The following CDC42BPB variants were observed in gnomAD, a reference collection of about 807,000 sequenced individuals.
CDC42BPB encodes the protein CDC42 binding protein kinase beta.
Under a neutral mutation model 214.9 loss-of-function variants are expected in CDC42BPB, and 37 were observed. The observed-to-expected ratio is 0.17, with a 90% CI of 0.13 to 0.23. The LOEUF (loss-of-function observed/expected upper bound fraction) is 0.23, where lower values mean the gene tolerates loss of function less well. CDC42BPB is among the 10% of genes least tolerant of loss of function. CDC42BPB has a pLI of 1.00. For synonymous variants in CDC42BPB, 931 were observed against 884.0 expected (o/e 1.05, Z -0.94); for missense variants, 1,694 against 2,227.0 (o/e 0.76, Z 4.82).
At chr14:102,973,978 T>C in intron 12 of CDC42BPB, 38 bp downstream of exon 12, 1 of 1,571,726 alleles carries the variant, frequency 6.4e-7, no homozygotes, top group Non-Finnish European at 8.6e-7. Flanking sequence ...TTCTGCAAAG[T>C]CCCGTAAGCC....
intron 5 of CDC42BPB, among the ~76,000 whole-genome samples, chr14:102,996,217 G>A (rs1894725314): frequency 1.3e-5 from 2 of 152,128 alleles, no homozygotes; most frequent in Non-Finnish European, 2.9e-5. Flanking sequence ...GTGGGCACCT[G>A]TAGTCCCAGC....
chr14:102,962,133 C>A (rs79110591), intron 20 of CDC42BPB, among the ~76,000 whole-genome samples: 2 of 152,326 alleles, frequency 1.3e-5, no homozygotes, highest in African/African-American at 4.8e-5. Flanking sequence ...CTATTCAGAG[C>A]GGCAAAAATC....
chr14:102,952,863 G>C, intron 23 of CDC42BPB: 1 of 365,728 alleles, frequency 2.7e-6, no homozygotes, highest in Non-Finnish European at 3.8e-6. Flanking sequence ...GAGGTCAGCT[G>C]GGCCAGAGGG....
At chr14:103,010,349 G>A (rs1263015184) in intron 2 of CDC42BPB, among the ~76,000 whole-genome samples, 1 of 152,140 alleles carries the variant, frequency 6.6e-6, no homozygotes, top group Admixed American at 6.5e-5. Flanking sequence ...TGGCTGGTGA[G>A]GCCTGGATCC....
intron 9 of CDC42BPB, among the ~76,000 whole-genome samples, chr14:102,977,339 CAAAAAAAAA>C (rs56368090): frequency 1.2e-5 from 1 of 85,110 alleles, no homozygotes; most frequent in Non-Finnish European, 2.3e-5. Flanking sequence ...ACTCCGTCTC[CAAAAAAAAA>C]AAAAAAAAAA....
chr14:102,975,787 C>T lies in CDC42BPB; in HGVS notation c.1404G>A (p.Val468=), dbSNP rs776651351. 6.2e-7 allele frequency: 1 copy of T among 1,614,180 alleles called. No individual in the cohort carries two copies. The highest frequency in any genetic ancestry group is 2.2e-5 in the East Asian group (1 of 44,884). ...CCCGAGATGAGCCGTGGAGGGACTG[C>T]ACGGTCTGGGTGGACTCTGAGGGAT... ...SRKLQESTQT[V]QSLHGSSRAL... The change falls in exon 11 of 37, where the codon GTG becomes GTA. Residue 468 remains valine, a synonymous_variant. Coordinates refer to ENST00000361246, the MANE Select transcript of CDC42BPB (RefSeq NM_006035.4).
chr14:102,942,282 G>A (rs2269318), intron 30 of CDC42BPB, among the ~76,000 whole-genome samples: 12,645 of 152,268 alleles, frequency 0.083, 669 homozygotes, highest in South Asian at 0.16. Flanking sequence ...ACACACTGCA[G>A]TAAGCCCGTG....
intron 2 of CDC42BPB, among the ~76,000 whole-genome samples, chr14:103,009,386 C>G (rs1194425898): frequency 2.0e-5 from 3 of 152,212 alleles, no homozygotes; most frequent in African/African-American, 7.2e-5. Context: ...CTCACAGCGA[C>G]CCCAGCTGCG....
intron 30 of CDC42BPB, among the ~76,000 whole-genome samples, chr14:102,942,004 G>C (rs907364549): frequency 6.6e-6 from 1 of 152,270 alleles, no homozygotes; most frequent in African/African-American, 2.4e-5. Flanking sequence ...GTCTACGCCA[G>C]ACACGTGTGG....
At position 103,026,082 on chromosome 14, in the gene CDC42BPB, T is replaced by C. The variant is rs113810846; in HGVS notation, c.176-13894A>G. ...ACTCAAAATGAATTGAAGGCCTACA[T>C]GTAAGAACTCAAACTACGAAACACT... On this transcript the variant is annotated intron_variant, in intron 1 of 36. Coordinates refer to ENST00000361246, the MANE Select transcript of CDC42BPB (RefSeq NM_006035.4). Among the ~76,000 whole-genome samples, 774 of 152,152 alleles carry C rather than the reference T, an allele frequency of 5.1e-3. 11 individuals are homozygous for C. The highest frequency in any genetic ancestry group is 0.017 in the African/African-American group (723 of 41,520).
At chr14:102,977,094 C>T (rs751108007) in intron 9 of CDC42BPB, among the ~76,000 whole-genome samples, 4 of 152,122 alleles carry the variant, frequency 2.6e-5, no homozygotes, top group Non-Finnish European at 5.9e-5. Context: ...GTAATCCTGA[C>T]ACTTTGGGAG....
rs1265012981 is a variant in CDC42BPB at position 102,932,881 on chromosome 14, G to A, written c.*831C>T. ...CATGCGGGGGCAGGACTGGTGGGGG[G>A]GGGGGCGGGCAGGGCGGGGCGGGGT... On this transcript the variant is annotated 3_prime_UTR_variant, in exon 37 of 37. Transcript: ENST00000361246. 2.3e-5 allele frequency: 3 copies of A among 129,926 alleles called. No homozygotes were observed. Among genetic ancestry groups the A allele is most frequent in the Admixed American group, 7.3e-5 (1 of 13,660 alleles). The allele number at this position is 129,926 out of a possible 1,614,324, so 8.0% of individuals were successfully genotyped here.
At chr14:102,940,992 G>GGTGCCACGGATGTGAAACCAAGGACTGCA in intron 30 of CDC42BPB, 1 of 489,632 alleles carries the variant, frequency 2.0e-6, no homozygotes, top group Non-Finnish European at 2.7e-6. Context: ...CTCCACCCAA[G>GGTGCCACGGATGTGAAACCAAGGACTGCA]GTGCCACGGA....
At chr14:102,967,825 G>A (rs533685988) in intron 16 of CDC42BPB, among the ~76,000 whole-genome samples, 43 of 152,348 alleles carry the variant, frequency 2.8e-4, no homozygotes, top group Non-Finnish European at 8.8e-5. Context: ...GGCCGGCGCA[G>A]TGGCTCATGC....
chr14:103,018,359 CA>C (rs1273744029), intron 1 of CDC42BPB, among the ~76,000 whole-genome samples: 3 of 152,226 alleles, frequency 2.0e-5, no homozygotes, highest in South Asian at 2.1e-4. Context: ...CAAACTATTT[CA>C]AAAATGTTTT....
chr14:102,974,947 A>G (rs1458469298), intron 11 of CDC42BPB, among the ~76,000 whole-genome samples: 1 of 151,976 alleles, frequency 6.6e-6, no homozygotes, highest in African/African-American at 2.4e-5. Flanking sequence ...CTCCGTCTCA[A>G]AAAACAAAAA....
chr14:102,976,858 G>C (rs747993527), intron 9 of CDC42BPB, among the ~76,000 whole-genome samples: 7 of 152,206 alleles, frequency 4.6e-5, no homozygotes, highest in Non-Finnish European at 1.0e-4. Flanking sequence ...ACCTGCAAGT[G>C]TGACAAGCAT....
chr14:102,978,527 G>A (rs185533706), intron 8 of CDC42BPB, among the ~76,000 whole-genome samples: 2 of 152,370 alleles, frequency 1.3e-5, no homozygotes, highest in Non-Finnish European at 2.9e-5. Flanking sequence ...TAACACAACT[G>A]TGTGCAGAGT....
At chr14:102,965,906 G>A (rs1454407645) in intron 18 of CDC42BPB, among the ~76,000 whole-genome samples, 2 of 152,220 alleles carry the variant, frequency 1.3e-5, no homozygotes, top group African/African-American at 2.4e-5. Context: ...GCAGTAAGCC[G>A]AGATCACGCC....
Sources: allele counts gnomAD v4.1 joint callset (sites outside exome capture counted in the v4.1 genomes callset), GRCh38; gene constraint gnomAD v4.1.1; transcripts MANE v1.5; gene names NCBI Gene and HGNC (gene_info 2026-07-23, HGNC 2026-07-21).